Variants in SLCO4A1 observed in about 807,000 individuals in gnomAD.
SLCO4A1 encodes solute carrier organic anion transporter family member 4A1.
SLCO4A1 carries 51 observed loss-of-function variants against 64.6 expected under a neutral mutation model. The ratio of observed to expected loss-of-function variants is 0.79; its 90% CI spans 0.63 to 1.00. SLCO4A1 has a LOEUF of 1.00. Among genes scored for constraint, SLCO4A1 ranks in the 50% least tolerant of loss-of-function variants. The pLI is 0.00. For synonymous variants in SLCO4A1, 471 were observed against 444.9 expected, an observed-to-expected ratio of 1.06 and a Z score of -0.74; for missense variants, 919 against 980.5, an observed-to-expected ratio of 0.94 and a Z score of 0.84.
At chr20:62,680,662 A>T (rs1987785448) in intron 2 of SLCO4A1, among the ~76,000 whole-genome samples, 1 of 150,836 alleles carries the variant, frequency 6.6e-6, no homozygotes, top group South Asian at 2.1e-4. Flanking sequence ...TTCAGTGTTG[A>T]TGTGGTAGAT....
downstream of SLCO4A1, among the ~76,000 whole-genome samples, chr20:62,673,432 G>A (rs1373736499): frequency 9.1e-5 from 13 of 143,420 alleles, 2 homozygotes; most frequent in Non-Finnish European, 1.6e-4. Context: ...GATGAGGCTC[G>A]GGCATGCTGG....
downstream of SLCO4A1, among the ~76,000 whole-genome samples, chr20:62,688,531 A>G (rs963950680): frequency 6.6e-6 from 1 of 152,196 alleles, no homozygotes; most frequent in African/African-American, 2.4e-5. Context: ...TGGGGCTCAC[A>G]TTGGACACTG....
Position 62,646,927 on chromosome 20 carries a change from GTGGGTGGAGAC to G in SLCO4A1, c.-97+4381_-97+4391del, listed in dbSNP as rs150530263. On this transcript the variant is annotated intron_variant, in intron 1 of 11. Transcript: ENST00000217159. ...CGTCCTCCCCACGCTCCCAGGTTCAGTGGGTGGAGACTGGGTGCAAGCAGGTTGAGGGACAG... is the reference window on the plus strand; with the variant it reads ...CGTCCTCCCCACGCTCCCAGGTTCAGTGGGTGCAAGCAGGTTGAGGGACAG... 7.6e-3 allele frequency among the ~76,000 whole-genome samples: 1,154 copies of G among 152,380 alleles called. 11 individuals are homozygous for G. The highest frequency in any genetic ancestry group is 0.024 in the African/African-American group (1,017 of 41,598).
Position 62,669,020 on chromosome 20 carries a change from T to C in SLCO4A1, c.1967T>C (p.Leu656Ser). ...CAGTGTGGCCAGCAGGGCTCCTGCT[T>C]GGTGTACCAGAATTCGGCCATGAGC... ...QDQCGQQGSC[L>S]VYQNSAMSRY... The change falls in exon 11 of 12, where the codon TTG (leucine) becomes TCG (serine). Residue 656 changes from leucine to serine, a missense_variant. Leu to Ser is a moderately radical substitution (Grantham distance 145). Transcript: ENST00000217159. 1 of 1,611,372 alleles carries C rather than the reference T, an allele frequency of 6.2e-7. No individual in the cohort carries two copies. Among genetic ancestry groups the C allele is most frequent in the Non-Finnish European group, 8.5e-7 (1 of 1,179,974 alleles).
intron 2 of SLCO4A1, among the ~76,000 whole-genome samples, chr20:62,680,491 C>T (rs1987776181): frequency 6.6e-6 from 1 of 152,014 alleles, no homozygotes; most frequent in African/African-American, 2.4e-5. Flanking sequence ...TGAAGTGTGA[C>T]GTTAGCTGCA....
intron 1 of SLCO4A1, chr20:62,651,527 C>G (rs964639133): frequency 5.9e-5 from 9 of 152,198 alleles, no homozygotes; most frequent in Admixed American, 5.2e-4. Context: ...AGCCACATGG[C>G]TGATATTTAA....
Position 62,656,890 on chromosome 20 carries a change from G to T in SLCO4A1, c.436G>T (p.Ala146Ser), listed in dbSNP as rs149371543. The change falls in exon 2 of 12, where the codon GCC becomes TCC. Residue 146 changes from alanine to serine, a missense_variant. Coordinates refer to ENST00000217159, the MANE Select transcript of SLCO4A1 (RefSeq NM_016354.4). ...GCACAGCTACCAGAGCGGGCTCATC[G>T]CCAGCTCCTACGACATTGCCGCCTG... ...DLHSYQSGLIASSYDIAACLC... is the reference protein window; with the variant it reads ...DLHSYQSGLISSSYDIAACLC... 11 of 1,578,654 alleles carry T rather than the reference G, an allele frequency of 7.0e-6. No homozygotes were observed. In the South Asian group the frequency reaches 1.1e-4, roughly 16 times the overall value.
chr20:62,679,158 C>A (rs1208045873), intron 2 of SLCO4A1, among the ~76,000 whole-genome samples: 1 of 151,744 alleles, frequency 6.6e-6, no homozygotes, highest in Non-Finnish European at 1.5e-5. Flanking sequence ...AAGCCGAAAT[C>A]ACACCACTGC....
Position 62,661,292 on chromosome 20 carries a change from G to A in SLCO4A1, c.1121+117G>A. 2.8e-6 allele frequency: 2 copies of A among 724,184 alleles called. No individual in the cohort carries two copies. The highest frequency in any genetic ancestry group is 4.8e-4 in the Middle Eastern group (2 of 4,184). The allele number at this position is 724,184 out of a possible 1,614,324, so 44.9% of individuals were successfully genotyped here. ...GATGGGGACGCAGCCCCTAACCTCT[G>A]TCGTGACCCTGGGCCAAGAGATTAA... On this transcript the variant is annotated intron_variant, in intron 5 of 11. Coordinates refer to ENST00000217159, the MANE Select transcript of SLCO4A1 (RefSeq NM_016354.4). The surrounding 1 kb of genome is among the most constrained non-coding windows in gnomAD (Gnocchi z 5.2).
Position 62,668,459 on chromosome 20 carries a change from T to C in SLCO4A1, c.1812-18T>C. 1 of 1,613,540 alleles carries C rather than the reference T, an allele frequency of 6.2e-7. No homozygotes were observed. Among genetic ancestry groups the C allele is most frequent in the South Asian group, 1.1e-5 (1 of 91,072 alleles). ...ACCCCACTTCTGTGGGTGCTGACGCTGTGGTTTTCTATTGCAGATGTGTCC... is the reference window on the plus strand; with the variant it reads ...ACCCCACTTCTGTGGGTGCTGACGCCGTGGTTTTCTATTGCAGATGTGTCC... On this transcript the variant is annotated intron_variant, in intron 9 of 11. Coordinates refer to ENST00000217159, the MANE Select transcript of SLCO4A1 (RefSeq NM_016354.4).
chr20:62,643,712 T>A (rs4239643), intron 1 of SLCO4A1, among the ~76,000 whole-genome samples: 1 of 152,222 alleles, frequency 6.6e-6, no homozygotes, highest in East Asian at 1.9e-4. Context: ...CGGGAGCAAA[T>A]GGATCTCAGA....
At chr20:62,673,601 G>A (rs6062784), downstream of SLCO4A1, among the ~76,000 whole-genome samples, 29,295 of 142,726 alleles carry the variant, frequency 0.21, 6,380 homozygotes, top group East Asian at 0.28. Flanking sequence ...AAGAGACCAC[G>A]ACACTGCCCA....
chr20:62,684,795 C>A (rs1295113566), intron 2 of SLCO4A1, among the ~76,000 whole-genome samples: 2 of 152,192 alleles, frequency 1.3e-5, no homozygotes, highest in Non-Finnish European at 2.9e-5. Flanking sequence ...CCCACCCCAG[C>A]AATCCCCACA....
At position 62,672,201 on chromosome 20, in the gene SLCO4A1, A is replaced by C; in HGVS notation, c.*308A>C. On this transcript the variant is annotated 3_prime_UTR_variant, in exon 12 of 12. Coordinates refer to ENST00000217159, the MANE Select transcript of SLCO4A1 (RefSeq NM_016354.4). ...AAACTCCGCAGGGGCTGTGAATCCCACTGGGAGGGCGGTGGGCCTGCAGCC... is the reference window on the plus strand; with the variant it reads ...AAACTCCGCAGGGGCTGTGAATCCCCCTGGGAGGGCGGTGGGCCTGCAGCC... 2 of 1,291,194 alleles carry C rather than the reference A, an allele frequency of 1.5e-6. No individual in the cohort carries two copies. The highest frequency in any genetic ancestry group is 3.8e-5 in the East Asian group (1 of 26,604). The allele number at this position is 1,291,194 out of a possible 1,614,324, so 80.0% of individuals were successfully genotyped here. A position where few individuals can be genotyped will look rare whatever the true frequency, so the allele number is the denominator to read the frequency against.
At chr20:62,648,951 G>A (rs974416954) in intron 1 of SLCO4A1, 6 of 152,280 alleles carry the variant, frequency 3.9e-5, no homozygotes, top group Non-Finnish European at 8.8e-5. Context: ...TTAGGAAGTC[G>A]GTACCAAAGT....
At position 62,672,235 on chromosome 20, in the gene SLCO4A1, G is replaced by T. The variant is rs1019039905; in HGVS notation, c.*342G>T. 8.0e-7 allele frequency: 1 copy of T among 1,245,684 alleles called. No homozygotes were observed. The highest frequency in any genetic ancestry group is 1.0e-6 in the Non-Finnish European group (1 of 983,476). The allele number at this position is 1,245,684 out of a possible 1,614,324, so 77.2% of individuals were successfully genotyped here. On this transcript the variant is annotated 3_prime_UTR_variant, in exon 12 of 12. Transcript: ENST00000217159. Reference sequence around the variant, plus strand: ...GCGGTGGGCCTGCAGCCTGAGGAAGGCTTGTGTGTCCTCAGTTAAAACTGT... The same window carrying T: ...GCGGTGGGCCTGCAGCCTGAGGAAGTCTTGTGTGTCCTCAGTTAAAACTGT...
At chr20:62,669,199 C>T in intron 11 of SLCO4A1, 121 bp downstream of exon 11, 1 of 1,012,268 alleles carries the variant, frequency 9.9e-7, no homozygotes, top group Non-Finnish European at 1.5e-6. Context: ...TTCCTGCAGC[C>T]AGTTTGTAGA....
chr20:62,656,194 T>C (rs1312355165), intron 1 of SLCO4A1, among the ~76,000 whole-genome samples, 165 bp from the exon 2 acceptor site: 1 of 152,240 alleles, frequency 6.6e-6, no homozygotes, highest in African/African-American at 2.4e-5. Context: ...ACACAGTGCC[T>C]GGGTGTGGGC....
At chr20:62,665,793 TC>T (rs1489063598) in intron 6 of SLCO4A1, 1 of 142,728 alleles carries the variant, frequency 7.0e-6, no homozygotes, top group Non-Finnish European at 1.5e-5. Context: ...TCCCCACCTG[TC>T]CCCCCAAATC....
Sources: gnomAD v4.1 joint callset for allele counts (sites outside exome capture counted in the v4.1 genomes callset) on GRCh38, gnomAD v4.1.1 for gene constraint, Gnocchi (gnomAD v3.1) non-coding constraint, MANE v1.5 for transcripts, NCBI Gene and HGNC (gene_info 2026-07-23, HGNC 2026-07-21) for gene names.